Variants in TNRC6A observed in about 807,000 individuals in gnomAD.
TNRC6A encodes the protein trinucleotide repeat-containing gene 6A protein.
TNRC6A carries 44 observed loss-of-function variants against 221.2 expected under a neutral mutation model. The observed-to-expected ratio is 0.20, with a 90% CI of 0.16 to 0.26. The LOEUF (loss-of-function observed/expected upper bound fraction) is 0.26, where lower values mean the gene tolerates loss of function less well. Ranked by LOEUF, TNRC6A falls within the 10% of genes least tolerant of loss-of-function variation. TNRC6A has a pLI of 1.00. For missense variants in TNRC6A, 2,199 were observed against 2,404.4 expected (o/e 0.91, Z 1.79); for synonymous variants, 847 against 838.5 (o/e 1.01, Z -0.18).
chr16:24,695,808 G>A (rs1033060693), intron 2 of TNRC6A, among the ~76,000 whole-genome samples: 13 of 152,138 alleles, frequency 8.5e-5, no homozygotes, highest in African/African-American at 3.1e-4. Flanking sequence ...TTTCAGCCCT[G>A]GTGGTTAATT....
In TNRC6A at chr16:24,825,078, C is replaced by T. The variant is rs1486182883; in HGVS notation, c.*1271C>T. 1 of 152,594 alleles carries T rather than the reference C, an allele frequency of 6.6e-6. No individual in the cohort carries two copies. Among genetic ancestry groups the T allele is most frequent in the East Asian group, 1.9e-4 (1 of 5,196 alleles). The allele number at this position is 152,594 out of a possible 1,614,324, so 9.5% of individuals were successfully genotyped here. On this transcript the variant is annotated 3_prime_UTR_variant, in exon 25 of 25. Transcript: ENST00000395799. ...AACTGTTGTACCTTAAAGCCGAAAT[C>T]AGTAACTATGCATACTGTAACCAAG...
chr16:24,748,292 A>C (rs866438062), intron 2 of TNRC6A, among the ~76,000 whole-genome samples: 2 of 152,216 alleles, frequency 1.3e-5, no homozygotes, highest in Admixed American at 1.3e-4. Context: ...CAGGGTAGGT[A>C]ACATGACAGT....
intron 5 of TNRC6A, among the ~76,000 whole-genome samples, chr16:24,788,965 C>A (rs1397607824): frequency 6.6e-6 from 1 of 152,098 alleles, no homozygotes; most frequent in Admixed American, 6.6e-5. Context: ...CTTTTATTTA[C>A]CGATATGTTA....
At position 24,820,219 on chromosome 16, in the gene TNRC6A, C is replaced by T. The variant is rs767612365; in HGVS notation, c.5161C>T (p.Pro1721Ser). 1 of 1,614,112 alleles carries T rather than the reference C, an allele frequency of 6.2e-7. No individual in the cohort carries two copies. Among genetic ancestry groups the T allele is most frequent in the South Asian group, 1.1e-5 (1 of 91,074 alleles). The change falls in exon 22 of 25, where the codon CCT (proline) becomes TCT (serine). Residue 1721 changes from proline (P) to serine (S), a missense_variant. Physicochemically the swap from Pro to Ser is moderately conservative, Grantham distance 74. Around this residue, in one of 8 missense-constraint regions of TNRC6A, gnomAD observed 449 missense variants for 579.7 expected, o/e 0.77. Coordinates refer to ENST00000395799, the MANE Select transcript of TNRC6A (RefSeq NM_014494.4). ...TSLAHELWKV[P>S]LPPKNITAPS... is the part of the protein sequence containing the mutation. ...TCTGGCTCATGAGCTGTGGAAGGTC[C>T]CTTTGCCACCTAAAAACATCACTGC...
At chr16:24,704,823 C>A (rs563226776) in intron 2 of TNRC6A, among the ~76,000 whole-genome samples, 18 of 151,624 alleles carry the variant, frequency 1.2e-4, no homozygotes, top group Non-Finnish European at 2.4e-4. Flanking sequence ...AAATAAATAT[C>A]TTTATTTAAA....
intron 3 of TNRC6A, among the ~76,000 whole-genome samples, chr16:24,756,882 T>G (rs958148550): frequency 6.6e-6 from 1 of 152,164 alleles, no homozygotes. Context: ...GAGTGTTTTT[T>G]GTCTGTTTGT....
At chr16:24,730,142 C>A in intron 1 of TNRC6A, 111 bp from the exon 2 acceptor site, 1 of 1,022,856 alleles carries the variant, frequency 9.8e-7, no homozygotes, top group Non-Finnish European at 1.4e-6. Flanking sequence ...CCTCTCCCCT[C>A]CCCCATCCGG....
chr16:24,754,107 C>A (rs1460886025), intron 3 of TNRC6A, among the ~76,000 whole-genome samples: 1 of 151,988 alleles, frequency 6.6e-6, no homozygotes, highest in Non-Finnish European at 1.5e-5. Flanking sequence ...GGTTCTTATA[C>A]CATGAATACA....
chr16:24,740,278 A>T (rs1464271819), intron 2 of TNRC6A, among the ~76,000 whole-genome samples: 1 of 152,196 alleles, frequency 6.6e-6, no homozygotes, highest in Non-Finnish European at 1.5e-5. Context: ...TTTTTTAAAG[A>T]TTGCATTGAC....
intron 8 of TNRC6A, 74 bp downstream of exon 8, chr16:24,794,793 C>A: frequency 6.8e-7 from 1 of 1,460,940 alleles, no homozygotes; most frequent in South Asian, 1.4e-5. Flanking sequence ...ATTAACTTTT[C>A]GCCTGCCCAT....
chr16:24,777,107 C>CA lies in TNRC6A; in HGVS notation c.339dup (p.Gln114ThrfsTer22). On this transcript the variant is annotated frameshift_variant, in exon 5 of 25. Transcript: ENST00000395799. LOFTEE classifies it high-confidence loss of function. ...CAGCAGCAGCAGCCACAGCAGCAGC[C>CA]ACAGCCGCAGCCGCAGCAGCAGCAG... 1 of 1,091,838 alleles carries CA rather than the reference C, an allele frequency of 9.2e-7. No homozygotes were observed. Among genetic ancestry groups the CA allele is most frequent in the South Asian group, 1.5e-5 (1 of 65,586 alleles). The allele number at this position is 1,091,838 out of a possible 1,614,324, so 67.6% of individuals were successfully genotyped here.
At chr16:24,720,631 C>T (rs1019855043) in intron 2 of TNRC6A, among the ~76,000 whole-genome samples, 7 of 133,806 alleles carry the variant, frequency 5.2e-5, no homozygotes, top group Non-Finnish European at 9.1e-5. Flanking sequence ...GCAGAGGTTG[C>T]AGTGAGCCGA....
chr16:24,797,454 G>A (rs1437501151), intron 9 of TNRC6A, 36 bp from the exon 10 acceptor site: 6 of 1,502,712 alleles, frequency 4.0e-6, no homozygotes, highest in Non-Finnish European at 5.5e-6. Context: ...AACAGAGATG[G>A]CCATGGCATC....
At position 24,823,603 on chromosome 16, in the gene TNRC6A, C is replaced by T. The variant is rs144884929; in HGVS notation, c.5685C>T (p.Thr1895=). The T allele has an allele frequency of 1.4e-5, 23 of 1,614,144 alleles. No individual in the cohort carries two copies. In the African/African-American group the frequency reaches 2.7e-4, roughly 19 times the overall value. The change falls in exon 25 of 25, where the codon ACC becomes ACT. Residue 1895 remains threonine, a synonymous_variant. Transcript: ENST00000395799. This position sits in a 1 kb window ranked among gnomAD's most constrained non-coding sequence, Gnocchi z 4.3. Reference sequence around the variant, plus strand: ...GTTCCCACTCATTCTCCAGCCGGACCGATCTCAATCACTGGAATGGTGCTG... The same window carrying T: ...GTTCCCACTCATTCTCCAGCCGGACTGATCTCAATCACTGGAATGGTGCTG... ...LDCSHSFSSR[T]DLNHWNGAGL...
intron 2 of TNRC6A, among the ~76,000 whole-genome samples, chr16:24,714,754 A>G (rs2056280379): frequency 6.6e-6 from 1 of 151,934 alleles, no homozygotes; most frequent in Non-Finnish European, 1.5e-5. Context: ...AACTGTCTTG[A>G]TGTCCTTTTC....
intron 2 of TNRC6A, chr16:24,664,944 G>T (rs185922388): frequency 7.7e-4 from 353 of 456,332 alleles, no homozygotes; most frequent in African/African-American, 5.7e-3. Context: ...CAGAAGTAAG[G>T]CACGAGGCTC....
chr16:24,702,179 TTTC>T (rs1567370140), intron 2 of TNRC6A, among the ~76,000 whole-genome samples: 1 of 94,096 alleles, frequency 1.1e-5, no homozygotes, highest in African/African-American at 6.2e-5. Flanking sequence ...TTTTTTCTTT[TTTC>T]TTTTTTTTTT....
chr16:24,786,094 T>G (rs982346019), intron 5 of TNRC6A, among the ~76,000 whole-genome samples: 1 of 152,158 alleles, frequency 6.6e-6, no homozygotes, highest in Non-Finnish European at 1.5e-5. Context: ...GCTAAAGATA[T>G]CTAAGTGGAA....
In TNRC6A at chr16:24,823,604, G is replaced by A. The variant is rs765754892; in HGVS notation, c.5686G>A (p.Asp1896Asn). The change falls in exon 25 of 25, where the codon GAT becomes AAT. Residue 1896 changes from aspartate (D) to asparagine (N), a missense_variant. Physicochemically the swap from Asp to Asn is conservative, Grantham distance 23. Coordinates refer to ENST00000395799, the MANE Select transcript of TNRC6A (RefSeq NM_014494.4). This position sits in a 1 kb window ranked among gnomAD's most constrained non-coding sequence, Gnocchi z 4.3. Reference sequence around the variant, plus strand: ...TTCCCACTCATTCTCCAGCCGGACCGATCTCAATCACTGGAATGGTGCTGG... The same window carrying A: ...TTCCCACTCATTCTCCAGCCGGACCAATCTCAATCACTGGAATGGTGCTGG... ...DCSHSFSSRT[D>N]LNHWNGAGLS... The A allele has an allele frequency of 7.4e-6, 12 of 1,613,950 alleles. No individual in the cohort carries two copies. Among genetic ancestry groups the A allele is most frequent in the Admixed American group, 5.0e-5 (3 of 59,984 alleles).
Sources: gnomAD v4.1 joint callset for allele counts (sites outside exome capture counted in the v4.1 genomes callset) on GRCh38, gnomAD v4.1.1 for gene constraint, gnomAD v4.1.1 regional missense constraint, Gnocchi (gnomAD v3.1) non-coding constraint, MANE v1.5 for transcripts, NCBI Gene and HGNC (gene_info 2026-07-23, HGNC 2026-07-21) for gene names.